The following MYO1B variants were observed in gnomAD, a reference collection of about 807,000 sequenced individuals.
MYO1B encodes the protein myosin IB, also known as unconventional myosin-Ib.
MYO1B carries 72 observed loss-of-function variants against 159.7 expected under a neutral mutation model. That is an observed-to-expected ratio of 0.45 (90% confidence interval 0.37 to 0.55). MYO1B has a LOEUF of 0.55. Ranked by LOEUF, MYO1B falls within the 20% of genes least tolerant of loss-of-function variation. The pLI is 0.00. For missense variants in MYO1B, 1,062 were observed against 1,364.8 expected (o/e 0.78, Z 3.50); for synonymous variants, 468 against 473.8 (o/e 0.99, Z 0.16).
intron 1 of MYO1B, among the ~76,000 whole-genome samples, chr2:191,266,814 A>G (rs1687170409): frequency 6.6e-6 from 1 of 152,216 alleles, no homozygotes; most frequent in Non-Finnish European, 1.5e-5. Context: ...TTGTTATAGC[A>G]GCCGCTGTTA....
chr2:191,292,099 A>C (rs1337334246), intron 2 of MYO1B, among the ~76,000 whole-genome samples: 1 of 152,374 alleles, frequency 6.6e-6, no homozygotes, highest in Admixed American at 6.5e-5. Flanking sequence ...TAGGAGTTCA[A>C]GGTTAGAAGA....
intron 2 of MYO1B, among the ~76,000 whole-genome samples, chr2:191,283,968 C>T (rs1436895333): frequency 6.6e-6 from 1 of 152,218 alleles, no homozygotes. Flanking sequence ...AGAGCAAGGA[C>T]ATTCATTTCT....
At chr2:191,415,949 G>A (rs1232781052) in intron 29 of MYO1B, among the ~76,000 whole-genome samples, 166 bp from the exon 30 acceptor site, 1 of 152,184 alleles carries the variant, frequency 6.6e-6, no homozygotes, top group Non-Finnish European at 1.5e-5. Context: ...AGTGCTCTGA[G>A]CAAGTTGGAA....
chr2:191,262,464 C>T (rs1317859546), intron 1 of MYO1B, among the ~76,000 whole-genome samples: 1 of 152,174 alleles, frequency 6.6e-6, no homozygotes, highest in Non-Finnish European at 1.5e-5. Context: ...ATTTTGGTGG[C>T]TCCCTGTCAT....
chr2:191,383,948 C>A (rs1342112617), intron 15 of MYO1B, among the ~76,000 whole-genome samples: 1 of 152,128 alleles, frequency 6.6e-6, no homozygotes, highest in Admixed American at 6.5e-5. Context: ...TAAGTGGGAC[C>A]CCAGAAGTGG....
chr2:191,260,812 ATGTC>A (rs1228272483), intron 1 of MYO1B, among the ~76,000 whole-genome samples: 1 of 152,218 alleles, frequency 6.6e-6, no homozygotes, highest in Non-Finnish European at 1.5e-5. Context: ...TCTTGACTCT[ATGTC>A]TGGTTGTGGA....
At position 191,414,120 on chromosome 2, in the gene MYO1B, C is replaced by T. The variant is rs1373031615; in HGVS notation, c.2946C>T (p.Ala982=). 1.9e-6 allele frequency: 3 copies of T among 1,612,892 alleles called. No individual in the cohort carries two copies. The highest frequency in any genetic ancestry group is 1.6e-4 in the Middle Eastern group (1 of 6,078). Residue 982 remains alanine (A), a synonymous_variant, in exon 28 of 31, where the codon GCC becomes GCT. Transcript: ENST00000392318. ...CCAAGTATAAGAAACTCAAAGATGC[C>T]ATTGAAGAAAAGATCATCATTGCTG... ...KNPKYKKLKD[A]IEEKIIIAEV...
At chr2:191,407,738 C>CT (rs202000602) in intron 24 of MYO1B, 2,406 of 152,962 alleles carry the variant, frequency 0.016, 63 homozygotes, top group African/African-American at 0.055. Flanking sequence ...GTTCTTCAGA[C>CT]TTTTTTTTTC....
rs977613910 is a variant in MYO1B, at chr2:191,316,254, C to G, written c.252-13681C>G. Among the ~76,000 whole-genome samples, 5 of 152,246 alleles carry G rather than the reference C, an allele frequency of 3.3e-5. No individual in the cohort carries two copies. The East Asian group carries it at 9.6e-4, about 29-fold the overall frequency. ...AAAATTCATTAATAGATTGGTCTGC[C>G]TTCATTTTATGAAAATTTAGGAAGC... On this transcript the variant is annotated intron_variant, in intron 3 of 30. Coordinates refer to ENST00000392318, the MANE Select transcript of MYO1B (RefSeq NM_001130158.3).
intron 1 of MYO1B, among the ~76,000 whole-genome samples, chr2:191,268,905 G>T (rs556457007): frequency 5.9e-5 from 9 of 152,320 alleles, no homozygotes; most frequent in African/African-American, 1.7e-4. Flanking sequence ...ATCTTTGTGT[G>T]TGTGTAAGTG....
At chr2:191,423,748 T>G in intron 30 of MYO1B, 89 bp from the exon 31 acceptor site, 7 of 1,425,832 alleles carry the variant, frequency 4.9e-6, no homozygotes, top group Non-Finnish European at 6.6e-6. Context: ...CTCGTCAAGA[T>G]CAGTATCCAT....
At chr2:191,379,343 G>C (rs1694908784) in intron 13 of MYO1B, 2 of 152,768 alleles carry the variant, frequency 1.3e-5, no homozygotes, top group South Asian at 4.1e-4. Context: ...AGCTGTGTGA[G>C]TTTTGCAGTA....
chr2:191,297,261 A>T (rs1040368614), intron 3 of MYO1B, among the ~76,000 whole-genome samples: 1 of 152,206 alleles, frequency 6.6e-6, no homozygotes, highest in Non-Finnish European at 1.5e-5. Flanking sequence ...TCCTGTGGGC[A>T]TGCAAGCATT....
chr2:191,423,925 A>G lies in MYO1B; in HGVS notation c.3376A>G (p.Lys1126Glu), dbSNP rs1317078320. Residue 1126 changes from lysine (K) to glutamate (E), a missense_variant, in exon 31 of 31, where the codon AAA becomes GAA. Around this residue, in one of 5 missense-constraint regions of MYO1B, gnomAD observed 609 missense variants for 744.4 expected, o/e 0.82. Transcript: ENST00000392318. ...TGGGAGTGTCCCAACATGTAAACGA[A>G]AAAACAACCGTCTCCTTGAAGTTGC... is the stretch of plus-strand genomic sequence containing the variant. ...KNGSVPTCKR[K>E]NNRLLEVAVP is the part of the protein sequence containing the mutation. The G allele has an allele frequency of 1.2e-6, 2 of 1,613,880 alleles. No homozygotes were observed. The highest frequency in any genetic ancestry group is 1.7e-6 in the Non-Finnish European group (2 of 1,179,920).
At chr2:191,374,642 G>A (rs746428813) in intron 13 of MYO1B, among the ~76,000 whole-genome samples, 1 of 152,156 alleles carries the variant, frequency 6.6e-6, no homozygotes, top group African/African-American at 2.4e-5. Context: ...TGCCTGGCTG[G>A]CCACATGTGA....
chr2:191,353,885 C>T (rs1693087318), intron 7 of MYO1B, among the ~76,000 whole-genome samples: 1 of 152,182 alleles, frequency 6.6e-6, no homozygotes. Flanking sequence ...TTTATTGTCT[C>T]TAGCCTTTCA....
chr2:191,301,927 C>T lies in MYO1B; in HGVS notation c.251+5701C>T, dbSNP rs59790547. Among the ~76,000 whole-genome samples the T allele has an allele frequency of 2.7e-3, 416 of 152,304 alleles. 3 individuals are homozygous for T. The highest frequency in any genetic ancestry group is 9.6e-3 in the African/African-American group (401 of 41,562). On this transcript the variant is annotated intron_variant, in intron 3 of 30. Transcript: ENST00000392318. ...ACCTTCCTAGAAACCTTCATGGGCT[C>T]CCTATTACTCCCAGTTCCTTTAGTG...
rs1320813618 is a variant in MYO1B, at chr2:191,364,370, AC to A, written c.1032+96del. On this transcript the variant is annotated intron_variant, in intron 11 of 30. Transcript: ENST00000392318. ...CAAAGATTTTAGTTTACAGGCTGTT[AC>A]CTGAATCGTACTATGTTCTAGGCAT... The A allele has an allele frequency of 3.1e-6, 3 of 972,574 alleles. No homozygotes were observed. The African/African-American group carries it at 4.8e-5, about 16-fold the overall frequency. 60.2% of individuals were successfully genotyped at this position (972,574 alleles called of 1,614,324 possible).
intron 1 of MYO1B, among the ~76,000 whole-genome samples, chr2:191,267,588 A>G (rs991509078): frequency 2.6e-5 from 4 of 152,244 alleles, no homozygotes; most frequent in African/African-American, 9.6e-5. Flanking sequence ...GTAGGTAGGA[A>G]TGAAAATCAG....
Sources: allele counts gnomAD v4.1 joint callset (sites outside exome capture counted in the v4.1 genomes callset), GRCh38; gene constraint gnomAD v4.1.1; regional missense constraint gnomAD v4.1.1; transcripts MANE v1.5; gene names NCBI Gene and HGNC (gene_info 2026-07-23, HGNC 2026-07-21).